The following NFIA variants were observed in gnomAD, a reference collection of about 807,000 sequenced individuals.
NFIA encodes the protein nuclear factor I A, also known as nuclear factor 1 A-type.
Under a neutral mutation model 62.8 loss-of-function variants are expected in NFIA, and 8 were observed. The ratio of observed to expected loss-of-function variants is 0.13; its 90% CI spans 0.07 to 0.23. The LOEUF is 0.23. Ranked by LOEUF, NFIA falls within the 10% of genes least tolerant of loss-of-function variation. NFIA has a pLI of 1.00. For synonymous variants in NFIA, 235 were observed against 238.1 expected, an observed-to-expected ratio of 0.99 and a Z score of 0.12; for missense variants, 410 against 642.1, an observed-to-expected ratio of 0.64 and a Z score of 3.91.
intron 3 of NFIA, among the ~76,000 whole-genome samples, chr1:61,327,893 C>A (rs146010190): frequency 3.0e-4 from 45 of 152,166 alleles, no homozygotes; most frequent in African/African-American, 9.4e-4. Flanking sequence ...TAAGCATACC[C>A]TTTTCACCAC....
At chr1:61,358,996 A>T (rs1663135691) in intron 5 of NFIA, 151 bp from the exon 6 acceptor site, 1 of 1,087,428 alleles carries the variant, frequency 9.2e-7, no homozygotes, top group African/African-American at 1.6e-5. Flanking sequence ...CCAGTGACTC[A>T]CCAGACTGAA....
chr1:61,137,291 A>G (rs4915729), intron 2 of NFIA, among the ~76,000 whole-genome samples: 11,642 of 152,194 alleles, frequency 0.076, 448 homozygotes, highest in East Asian at 0.098. Context: ...TAACAACTCC[A>G]CAAGGTAGTT....
chr1:61,226,218 A>C (rs1305602660), intron 2 of NFIA, among the ~76,000 whole-genome samples: 1 of 152,208 alleles, frequency 6.6e-6, no homozygotes, highest in Non-Finnish European at 1.5e-5. Context: ...GTCGACGTTA[A>C]GCAGCCACTT....
chr1:61,253,903 G>A (rs1032572199), intron 2 of NFIA, among the ~76,000 whole-genome samples: 1 of 151,934 alleles, frequency 6.6e-6, no homozygotes, highest in African/African-American at 2.4e-5. Context: ...TGTAATTCAG[G>A]TACATCCTTC....
chr1:61,327,422 C>T (rs1422730585), intron 3 of NFIA, among the ~76,000 whole-genome samples: 3 of 151,828 alleles, frequency 2.0e-5, no homozygotes, highest in African/African-American at 7.3e-5. Flanking sequence ...ACAGCCGCCC[C>T]CTCCTGAGTC....
At chr1:61,301,615 T>A (rs1420425613) in intron 3 of NFIA, among the ~76,000 whole-genome samples, 4 of 152,232 alleles carry the variant, frequency 2.6e-5, no homozygotes, top group African/African-American at 9.6e-5. Context: ...TTTAAAGTGC[T>A]TTTTAAAAAT....
intron 10 of NFIA, among the ~76,000 whole-genome samples, chr1:61,428,754 A>G (rs140932181): frequency 2.6e-5 from 4 of 152,294 alleles, no homozygotes; most frequent in African/African-American, 9.6e-5. Context: ...ATTTTTGACA[A>G]GAATTTTTAA....
chr1:61,209,894 G>GA lies in NFIA; in HGVS notation c.560-67622dup, dbSNP rs1270812836. 4.6e-5 allele frequency among the ~76,000 whole-genome samples: 7 copies of GA among 152,192 alleles called. No homozygotes were observed. The East Asian group carries it at 1.4e-3, about 29-fold the overall frequency. The stretch of plus-strand genomic sequence containing the variant: ...AGTAATATGGGATTATTATAGTTTG[G>GA]AAAATACAGAAAAATGGAAGAGAAG... On this transcript the variant is annotated intron_variant, in intron 2 of 10. Transcript: ENST00000403491.
rs144467854 is a variant in NFIA, at chr1:61,241,835, T to A, written c.560-35685T>A. Among the ~76,000 whole-genome samples, 648 of 152,202 alleles carry A rather than the reference T, an allele frequency of 4.3e-3. 4 individuals carry two copies. Among genetic ancestry groups the A allele is most frequent in the African/African-American group, 0.015 (610 of 41,528 alleles). On this transcript the variant is annotated intron_variant, in intron 2 of 10. Coordinates refer to ENST00000403491, the MANE Select transcript of NFIA (RefSeq NM_001134673.4). Reference sequence around the variant, plus strand: ...AGACTATTCAGGGGAATACATGAGGTGAAAAACCACTGTAAAATAACATGG... The same window carrying A: ...AGACTATTCAGGGGAATACATGAGGAGAAAAACCACTGTAAAATAACATGG...
chr1:61,379,402 C>CTATTTTTTTTTTTTTTTTTTTTTTT (rs1410203326), intron 6 of NFIA, among the ~76,000 whole-genome samples: 1 of 98,264 alleles, frequency 1.0e-5, no homozygotes, highest in Non-Finnish European at 2.0e-5. Context: ...TTTTCTTTTT[C>CTATTTTTTTTTTTTTTTTTTTTTTT]TTTTTTTTTT....
intron 2 of NFIA, among the ~76,000 whole-genome samples, chr1:61,270,554 A>G (rs955793652): frequency 6.6e-6 from 1 of 152,196 alleles, no homozygotes; most frequent in Non-Finnish European, 1.5e-5. Flanking sequence ...CTTCATTTTC[A>G]TTTGAAGCAT....
chr1:61,375,766 C>T (rs1285167675), intron 6 of NFIA, among the ~76,000 whole-genome samples: 1 of 152,178 alleles, frequency 6.6e-6, no homozygotes, highest in African/African-American at 2.4e-5. Context: ...CTCTCTCCCA[C>T]CTTCAGAAAG....
chr1:61,263,206 A>C (rs185627188), intron 2 of NFIA, among the ~76,000 whole-genome samples: 4 of 152,336 alleles, frequency 2.6e-5, no homozygotes, highest in Non-Finnish European at 5.9e-5. Flanking sequence ...CAGAGTTTCC[A>C]AAGGAAATGT....
At chr1:61,230,583 C>A (rs1404283755) in intron 2 of NFIA, among the ~76,000 whole-genome samples, 1 of 152,168 alleles carries the variant, frequency 6.6e-6, no homozygotes, top group African/African-American at 2.4e-5. Context: ...TACTCCCAGT[C>A]TTTCCCAATC....
intron 2 of NFIA, among the ~76,000 whole-genome samples, chr1:61,242,523 A>C (rs1320137414): frequency 2.0e-5 from 3 of 152,324 alleles, no homozygotes; most frequent in South Asian, 2.1e-4. Flanking sequence ...ACTAAGTTGA[A>C]AATGGCAGGA....
chr1:61,082,830 C>T lies in NFIA; in HGVS notation c.27+12C>T, dbSNP rs1348497026. On this transcript the variant is annotated intron_variant, in intron 1 of 10. Coordinates refer to ENST00000403491, the MANE Select transcript of NFIA (RefSeq NM_001134673.4). ...TCTGTCTCACCCAGGTAAGCCGCGGCGTGGATGCGGAGGGCTTGGGGGCCG... is the reference window on the plus strand; with the variant it reads ...TCTGTCTCACCCAGGTAAGCCGCGGTGTGGATGCGGAGGGCTTGGGGGCCG... The T allele has an allele frequency of 2.7e-6, 4 of 1,484,324 alleles. No homozygotes were observed. The highest frequency in any genetic ancestry group is 1.2e-5 in the South Asian group (1 of 82,986). The allele number at this position is 1,484,324 out of a possible 1,614,324, so 91.9% of individuals were successfully genotyped here.
chr1:61,268,241 C>T (rs1407886493), intron 2 of NFIA, among the ~76,000 whole-genome samples: 1 of 152,198 alleles, frequency 6.6e-6, no homozygotes, highest in Non-Finnish European at 1.5e-5. Context: ...AAGGCTTCTG[C>T]ATTTTTTAGG....
rs118130076 is a variant in NFIA at position 61,387,209 on chromosome 1, A to G, written c.1075+3844A>G. Among the ~76,000 whole-genome samples, 11 of 152,232 alleles carry G rather than the reference A, an allele frequency of 7.2e-5. No individual in the cohort carries two copies. The South Asian group carries it at 8.3e-4, about 11-fold the overall frequency. The stretch of plus-strand genomic sequence containing the variant: ...TGAATCTCTGTCCACTACTTGGCAC[A>G]TTGCTTTTCTCTCTGAACCAAAGGT... On this transcript the variant is annotated intron_variant, in intron 7 of 10. Coordinates refer to ENST00000403491, the MANE Select transcript of NFIA (RefSeq NM_001134673.4).
intron 9 of NFIA, among the ~76,000 whole-genome samples, chr1:61,417,877 G>C (rs749766919): frequency 1.3e-5 from 2 of 152,144 alleles, no homozygotes; most frequent in African/African-American, 4.8e-5. Context: ...CCTGTGAAGA[G>C]AGTGACCTGT....
Sources: allele counts gnomAD v4.1 joint callset (sites outside exome capture counted in the v4.1 genomes callset), GRCh38; gene constraint gnomAD v4.1.1; transcripts MANE v1.5; gene names NCBI Gene and HGNC (gene_info 2026-07-23, HGNC 2026-07-21).